The following FBXO32 variants were observed in gnomAD, a reference collection of about 807,000 sequenced individuals.
FBXO32 encodes the protein F-box protein 32.
FBXO32 carries 15 observed loss-of-function variants against 48.3 expected under a neutral mutation model. The observed-to-expected ratio is 0.31, with a 90% CI of 0.21 to 0.48. The LOEUF (loss-of-function observed/expected upper bound fraction) is 0.48. FBXO32 is among the 20% of genes least tolerant of loss of function. The pLI, the probability that FBXO32 is intolerant of heterozygous loss-of-function variation, is 0.99. For synonymous variants in FBXO32, 154 were observed against 165.9 expected (o/e 0.93, Z 0.55); for missense variants, 309 against 432.7 (o/e 0.71, Z 2.54).
chr8:123,509,526 G>A (rs1465975903), intron 6 of FBXO32, among the ~76,000 whole-genome samples: 1 of 151,728 alleles, frequency 6.6e-6, no homozygotes, highest in Non-Finnish European at 1.5e-5. Context: ...ATGGTGAAAC[G>A]CCATCCCTAC....
chr8:123,531,876 C>A (rs761276385), intron 4 of FBXO32, 22 bp downstream of exon 4: 1 of 1,613,054 alleles, frequency 6.2e-7, no homozygotes, highest in South Asian at 1.1e-5. Flanking sequence ...CCTGGATGAG[C>A]CTTTAGGCAC....
At chr8:123,521,783 C>T (rs147917354) in intron 4 of FBXO32, among the ~76,000 whole-genome samples, 10 of 152,226 alleles carry the variant, frequency 6.6e-5, no homozygotes, top group South Asian at 2.1e-4. Flanking sequence ...AAGGCAGAAA[C>T]GAGTCCCAGC....
At position 123,534,770 on chromosome 8, in the gene FBXO32, C is replaced by T; in HGVS notation, c.161G>A (p.Ser54Asn). ...CTTGGCTGCAACATCATAGTTCAGGCTGTTGAAAAGATTCTCCTTATTGTA... is the reference window on the plus strand; with the variant it reads ...CTTGGCTGCAACATCATAGTTCAGGTTGTTGAAAAGATTCTCCTTATTGTA... ...EVYNKENLFN[S>N]LNYDVAAKKR... The change falls in exon 2 of 9, where the codon AGC becomes AAC. Residue 54 changes from serine to asparagine, a missense_variant. Transcript: ENST00000517956. 6.2e-7 allele frequency: 1 copy of T among 1,613,852 alleles called. No homozygotes were observed. The highest frequency in any genetic ancestry group is 8.5e-7 in the Non-Finnish European group (1 of 1,179,880).
chr8:123,510,727 T>C (rs1261112341), intron 6 of FBXO32, among the ~76,000 whole-genome samples: 2 of 152,226 alleles, frequency 1.3e-5, no homozygotes, highest in Non-Finnish European at 2.9e-5. Context: ...GGGAGGAGAC[T>C]CCCTTTCAAC....
intron 7 of FBXO32, among the ~76,000 whole-genome samples, chr8:123,505,545 G>C (rs1212019808): frequency 6.6e-6 from 1 of 152,192 alleles, no homozygotes; most frequent in Non-Finnish European, 1.5e-5. Flanking sequence ...AGACCAGCCT[G>C]GCCAACGTGG....
At chr8:123,505,395 C>G (rs1000738203) in intron 7 of FBXO32, among the ~76,000 whole-genome samples, 2 of 152,202 alleles carry the variant, frequency 1.3e-5, no homozygotes, top group African/African-American at 4.8e-5. Flanking sequence ...ACAACAATGC[C>G]TATCCTTCCC....
intron 6 of FBXO32, among the ~76,000 whole-genome samples, chr8:123,508,491 A>G (rs368158364): frequency 5.1e-4 from 77 of 152,278 alleles, no homozygotes; most frequent in African/African-American, 1.7e-3. Context: ...GGCTTAGAAG[A>G]CTCTGAAGAT....
chr8:123,532,921 T>C (rs1817237504), intron 3 of FBXO32, among the ~76,000 whole-genome samples: 1 of 152,216 alleles, frequency 6.6e-6, no homozygotes, highest in South Asian at 2.1e-4. Context: ...TATAATAATA[T>C]GGTTGAGATG....
chr8:123,501,727 G>A lies in FBXO32; in HGVS notation c.*1646C>T, dbSNP rs187776189. On this transcript the variant is annotated 3_prime_UTR_variant, in exon 9 of 9. Coordinates refer to ENST00000517956, the MANE Select transcript of FBXO32 (RefSeq NM_058229.4). ...CTTAGCCATCTTTCCCCCTTTCCAG[G>A]TCACCCAAAGCTCAGCTCTTAAAGA... 3.3e-5 allele frequency: 5 copies of A among 152,060 alleles called. No individual in the cohort carries two copies. Among genetic ancestry groups the A allele is most frequent in the Non-Finnish European group, 7.4e-5 (5 of 68,004 alleles). The allele number at this position is 152,060 out of a possible 1,614,324, so 9.4% of individuals were successfully genotyped here.
At chr8:123,526,350 C>T (rs7818812) in intron 4 of FBXO32, among the ~76,000 whole-genome samples, 35,099 of 151,734 alleles carry the variant, frequency 0.23, 4,341 homozygotes, top group East Asian at 0.39. Context: ...CTCAGCGTCC[C>T]GAGTAGCTGG....
intron 4 of FBXO32, among the ~76,000 whole-genome samples, chr8:123,521,158 A>G (rs1187293773): frequency 1.3e-5 from 2 of 152,230 alleles, no homozygotes; most frequent in African/African-American, 2.4e-5. Flanking sequence ...TTACTTGCTG[A>G]TAGGCTAATT....
chr8:123,509,760 G>A (rs542813932), intron 6 of FBXO32, among the ~76,000 whole-genome samples: 5 of 152,174 alleles, frequency 3.3e-5, no homozygotes, highest in African/African-American at 1.2e-4. Flanking sequence ...TTAAGGCTCC[G>A]TGGGTTCCAG....
chr8:123,535,365 G>A (rs778863749), intron 1 of FBXO32, among the ~76,000 whole-genome samples: 1 of 152,054 alleles, frequency 6.6e-6, no homozygotes, highest in African/African-American at 2.4e-5. Flanking sequence ...ACACAATCAC[G>A]TTTACAAAAA....
At chr8:123,522,369 C>T (rs1464810680) in intron 4 of FBXO32, among the ~76,000 whole-genome samples, 5 of 151,892 alleles carry the variant, frequency 3.3e-5, no homozygotes, top group South Asian at 2.1e-4. Context: ...CCACCATGTC[C>T]GGCTGATTTT....
Position 123,525,993 on chromosome 8 carries a change from C to A in FBXO32, c.372+5905G>T, listed in dbSNP as rs16898513. Among the ~76,000 whole-genome samples, 1,891 of 152,042 alleles carry A rather than the reference C, an allele frequency of 0.012. 43 individuals carry two copies. Among genetic ancestry groups the A allele is most frequent in the African/African-American group, 0.043 (1,772 of 41,438 alleles). On this transcript the variant is annotated intron_variant, in intron 4 of 8. Transcript: ENST00000517956. The surrounding 1 kb of genome is among the most constrained non-coding windows in gnomAD (Gnocchi z 4.3). Reference sequence around the variant, plus strand: ...TAGCCTCACACTCAAAGCCTCTTCTCAAGTCTGTCCAATGTCCTTTTCTAG... The same window carrying A: ...TAGCCTCACACTCAAAGCCTCTTCTAAAGTCTGTCCAATGTCCTTTTCTAG...
intron 1 of FBXO32, among the ~76,000 whole-genome samples, chr8:123,535,051 T>C (rs1817283962): frequency 6.6e-6 from 1 of 152,184 alleles, no homozygotes; most frequent in African/African-American, 2.4e-5. Context: ...TCTACTTCTT[T>C]TGAATTCCCT....
chr8:123,535,030 G>C (rs1817283379), intron 1 of FBXO32, among the ~76,000 whole-genome samples: 1 of 152,210 alleles, frequency 6.6e-6, no homozygotes, highest in Admixed American at 6.5e-5. Flanking sequence ...GGGAAGGCAG[G>C]GATGGGAGCT....
chr8:123,505,843 G>A (rs990917782), intron 7 of FBXO32, among the ~76,000 whole-genome samples: 1 of 152,174 alleles, frequency 6.6e-6, no homozygotes, highest in African/African-American at 2.4e-5. Context: ...TGAGTGAGTT[G>A]TAAAATGAGA....
At chr8:123,516,462 AGC>A (rs1816841769) in intron 4 of FBXO32, among the ~76,000 whole-genome samples, 1 of 152,156 alleles carries the variant, frequency 6.6e-6, no homozygotes, top group African/African-American at 2.4e-5. Context: ...ATAAACACTG[AGC>A]ATGACACTGT....
Sources: gnomAD v4.1 joint callset for allele counts (sites outside exome capture counted in the v4.1 genomes callset) on GRCh38, gnomAD v4.1.1 for gene constraint, Gnocchi (gnomAD v3.1) non-coding constraint, MANE v1.5 for transcripts, NCBI Gene and HGNC (gene_info 2026-07-23, HGNC 2026-07-21) for gene names.